The following UGT1A10 variants were observed in gnomAD, a reference collection of about 807,000 sequenced individuals.
UGT1A10 encodes the protein UDP-glucuronosyltransferase 1A10.
UGT1A10 carries 49 observed loss-of-function variants against 45.8 expected under a neutral mutation model. The observed-to-expected ratio is 1.07, with a 90% CI of 0.85 to 1.36. The LOEUF (loss-of-function observed/expected upper bound fraction) is 1.36. UGT1A10 is among the 40% of genes most tolerant of loss of function. The pLI is 0.00. For missense variants in UGT1A10, 745 were observed against 668.6 expected (o/e 1.11, Z -1.26); for synonymous variants, 284 against 249.7 (o/e 1.14, Z -1.29).
At chr2:233,653,948 T>C (rs2073796168) in intron 1 of UGT1A10, among the ~76,000 whole-genome samples, 1 of 152,258 alleles carries the variant, frequency 6.6e-6, no homozygotes. Context: ...CATCTCTTCA[T>C]TATTGAGGAC....
intron 1 of UGT1A10, among the ~76,000 whole-genome samples, chr2:233,705,232 T>C (rs962910924): frequency 6.6e-6 from 1 of 152,258 alleles, no homozygotes; most frequent in African/African-American, 2.4e-5. Context: ...AGTGCTTTTT[T>C]TCTGTATGAA....
rs1348146797 is a variant in UGT1A10, at chr2:233,724,071, C to G, written c.856-42963C>G. Among the ~76,000 whole-genome samples the G allele has an allele frequency of 1.6e-4, 15 of 96,248 alleles. 1 individual carries two copies. Among genetic ancestry groups the G allele is most frequent in the African/African-American group, 2.3e-4 (4 of 17,278 alleles). 63.1% of individuals were successfully genotyped at this position (96,248 alleles called of 152,430 possible). A position where few individuals can be genotyped will look rare whatever the true frequency, so the allele number is the denominator to read the frequency against. On this transcript the variant is annotated intron_variant, in intron 1 of 4. Coordinates refer to ENST00000344644, the MANE Select transcript of UGT1A10 (RefSeq NM_019075.4). ...CACACCTCCCAGACGGGGTGGTGGCCGGGCAGAGGGGCTCCTCACTTCCCA... is the reference window on the plus strand; with the variant it reads ...CACACCTCCCAGACGGGGTGGTGGCGGGGCAGAGGGGCTCCTCACTTCCCA...
At chr2:233,710,968 G>A (rs1190110979) in intron 1 of UGT1A10, among the ~76,000 whole-genome samples, 1 of 152,154 alleles carries the variant, frequency 6.6e-6, no homozygotes, top group African/African-American at 2.4e-5. Flanking sequence ...TTGGCAGAGG[G>A]GAATATACAA....
chr2:233,712,436 A>G (rs2076234082), intron 1 of UGT1A10, among the ~76,000 whole-genome samples: 2 of 152,212 alleles, frequency 1.3e-5, no homozygotes, highest in African/African-American at 2.4e-5. Flanking sequence ...CCTGGTGTGA[A>G]AAACGACCAA....
At chr2:233,699,290 G>A (rs2075496429) in intron 1 of UGT1A10, among the ~76,000 whole-genome samples, 1 of 152,104 alleles carries the variant, frequency 6.6e-6, no homozygotes, top group Admixed American at 6.5e-5. Context: ...CAGATGCTGG[G>A]ACACTCTTAT....
chr2:233,712,012 T>G (rs2076210233), intron 1 of UGT1A10, among the ~76,000 whole-genome samples: 1 of 152,224 alleles, frequency 6.6e-6, no homozygotes, highest in Non-Finnish European at 1.5e-5. Flanking sequence ...GGAACCATTC[T>G]TATCAGAACT....
intron 1 of UGT1A10, among the ~76,000 whole-genome samples, chr2:233,741,359 CA>C (rs1323316954): frequency 6.6e-6 from 1 of 151,778 alleles, no homozygotes; most frequent in Non-Finnish European, 1.5e-5. Flanking sequence ...CACAAAACCA[CA>C]ATGAAACTGC....
At chr2:233,729,079 C>T (rs372945950) in intron 1 of UGT1A10, 2 of 1,611,886 alleles carry the variant, frequency 1.2e-6, no homozygotes, top group African/African-American at 2.7e-5. Flanking sequence ...GCAAATGTAG[C>T]AGGCACAGCG....
At chr2:233,675,079 C>T (rs143673451) in intron 1 of UGT1A10, among the ~76,000 whole-genome samples, 15 of 152,104 alleles carry the variant, frequency 9.9e-5, no homozygotes, top group African/African-American at 3.1e-4. Flanking sequence ...GTGCAGTGTC[C>T]CAGACCCTGC....
chr2:233,636,780 G>A lies in UGT1A10; in HGVS notation c.258G>A (p.Gln86=). 6.2e-7 allele frequency: 1 copy of A among 1,614,220 alleles called. No individual in the cohort carries two copies. Among genetic ancestry groups the A allele is most frequent in the Non-Finnish European group, 8.5e-7 (1 of 1,180,040 alleles). The change falls in exon 1 of 5, where the codon CAG becomes CAA. Residue 86 remains glutamine (Q), a synonymous_variant. Coordinates refer to ENST00000344644, the MANE Select transcript of UGT1A10 (RefSeq NM_019075.4). ...TYSTSYTLED[Q]NREFMVFAHA... is the part of the protein sequence containing the mutation. ...CAACCTCGTACACTCTGGAAGATCA[G>A]AACCGGGAATTCATGGTTTTCGCCC... is the stretch of plus-strand genomic sequence containing the variant.
chr2:233,647,920 C>T, intron 1 of UGT1A10: 1 of 1,597,246 alleles, frequency 6.3e-7, no homozygotes, highest in South Asian at 1.1e-5. Flanking sequence ...GAAGGTAGAT[C>T]ACTCACTGCC....
At chr2:233,760,684 A>G in intron 1 of UGT1A10, 1 of 1,614,204 alleles carries the variant, frequency 6.2e-7, no homozygotes, top group Non-Finnish European at 8.5e-7. Context: ...CTTACTGCAC[A>G]ACAAGGAGCT....
intron 1 of UGT1A10, among the ~76,000 whole-genome samples, chr2:233,684,208 A>C (rs2125528329): frequency 6.6e-6 from 1 of 152,300 alleles, no homozygotes; most frequent in South Asian, 2.1e-4. Context: ...CAACCAACTC[A>C]TGGGAAAATG....
intron 1 of UGT1A10, among the ~76,000 whole-genome samples, chr2:233,660,706 C>T (rs1011571835): frequency 1.3e-5 from 2 of 152,084 alleles, no homozygotes; most frequent in Admixed American, 6.6e-5. Context: ...TCCTCGTGCC[C>T]GCTTCTCTTC....
chr2:233,729,081 G>A lies in UGT1A10; in HGVS notation c.856-37953G>A, dbSNP rs376039648. 312 of 1,612,238 alleles carry A rather than the reference G, an allele frequency of 1.9e-4. No individual in the cohort carries two copies. The African/African-American group carries it at 3.8e-3, about 20-fold the overall frequency. On this transcript the variant is annotated intron_variant, in intron 1 of 4. Coordinates refer to ENST00000344644, the MANE Select transcript of UGT1A10 (RefSeq NM_019075.4). ...TAAGATGAAGAAAGCAAATGTAGCAGGCACAGCGTGGGGTGGACAGTCAGC... is the reference window on the plus strand; with the variant it reads ...TAAGATGAAGAAAGCAAATGTAGCAAGCACAGCGTGGGGTGGACAGTCAGC...
intron 1 of UGT1A10, chr2:233,692,760 G>A: frequency 8.2e-7 from 1 of 1,218,436 alleles, no homozygotes. Flanking sequence ...TTGTGGAGCT[G>A]AAGAGAAACA....
chr2:233,712,007 C>A (rs561891782), intron 1 of UGT1A10, among the ~76,000 whole-genome samples: 50 of 152,312 alleles, frequency 3.3e-4, no homozygotes, highest in African/African-American at 1.1e-3. Flanking sequence ...CTGGAGGAAC[C>A]ATTCTTATCA....
intron 1 of UGT1A10, among the ~76,000 whole-genome samples, chr2:233,663,841 G>C (rs943921949): frequency 6.6e-6 from 1 of 152,058 alleles, no homozygotes; most frequent in East Asian, 1.9e-4. Flanking sequence ...TTGCAAAGGC[G>C]GTTTCATTTG....
intron 1 of UGT1A10, chr2:233,647,794 A>C: frequency 1.5e-6 from 1 of 678,326 alleles, no homozygotes; most frequent in Non-Finnish European, 2.3e-6. Flanking sequence ...CAGTCTGGGT[A>C]GAGATTTATC....
Sources: gnomAD v4.1 joint callset for allele counts (sites outside exome capture counted in the v4.1 genomes callset) on GRCh38, gnomAD v4.1.1 for gene constraint, MANE v1.5 for transcripts, NCBI Gene and HGNC (gene_info 2026-07-23, HGNC 2026-07-21) for gene names.